The following SLC18A1 variants were observed in gnomAD, a reference collection of about 807,000 sequenced individuals.
SLC18A1 encodes the protein solute carrier family 18 member A1, also known as chromaffin granule amine transporter.
Under a neutral mutation model 53.7 loss-of-function variants are expected in SLC18A1, and 69 were observed. The observed-to-expected ratio is 1.28, with a 90% CI of 1.06 to 1.57. SLC18A1 has a LOEUF of 1.57. SLC18A1 is among the 40% of genes most tolerant of loss of function. The pLI is 0.00. For missense variants in SLC18A1, 932 were observed against 668.1 expected (o/e 1.40, Z -4.35); for synonymous variants, 320 against 248.1 (o/e 1.29, Z -2.72).
At chr8:20,176,815 A>G (rs528632725) in intron 4 of SLC18A1, among the ~76,000 whole-genome samples, 3 of 152,354 alleles carry the variant, frequency 2.0e-5, no homozygotes, top group African/African-American at 4.8e-5. Flanking sequence ...ATTACTTAAC[A>G]TATACAGTTT....
At chr8:20,160,389 T>G (rs1370752881) in intron 10 of SLC18A1, among the ~76,000 whole-genome samples, 1 of 151,422 alleles carries the variant, frequency 6.6e-6, no homozygotes, top group Non-Finnish European at 1.5e-5. Flanking sequence ...AGGACCTGAT[T>G]ATAGCTTACA....
intron 8 of SLC18A1, among the ~76,000 whole-genome samples, chr8:20,170,440 C>T (rs2072083402): frequency 6.6e-6 from 1 of 152,132 alleles, no homozygotes; most frequent in Non-Finnish European, 1.5e-5. Context: ...TTCCGGAATA[C>T]CTTGACAAGC....
chr8:20,145,954 T>A, intron 15 of SLC18A1, 78 bp from the exon 16 acceptor site: 1 of 788,522 alleles, frequency 1.3e-6, no homozygotes, highest in African/African-American at 1.8e-5. Flanking sequence ...CTCGCTCTGT[T>A]GCCCAGGCTG....
At chr8:20,148,534 T>TA (rs1252000496) in intron 12 of SLC18A1, 3 of 1,191,770 alleles carry the variant, frequency 2.5e-6, no homozygotes, top group African/African-American at 3.1e-5. Context: ...AAAAAGAAGA[T>TA]AGAGAAGAGG....
intron 5 of SLC18A1, among the ~76,000 whole-genome samples, chr8:20,174,015 GC>G (rs1482679886): frequency 6.6e-6 from 1 of 150,816 alleles, no homozygotes; most frequent in Non-Finnish European, 1.5e-5. Flanking sequence ...TCCCACTTTA[GC>G]CTCCCAAGTA....
At chr8:20,180,108 TTGTGTGTG>T (rs112531759) in intron 2 of SLC18A1, among the ~76,000 whole-genome samples, 19 of 146,188 alleles carry the variant, frequency 1.3e-4, no homozygotes, top group South Asian at 6.7e-4. Flanking sequence ...AAGATTATAA[TTGTGTGTG>T]TGTGTGTGTG....
At chr8:20,176,253 A>T (rs1234364563) in intron 4 of SLC18A1, among the ~76,000 whole-genome samples, 1 of 151,102 alleles carries the variant, frequency 6.6e-6, no homozygotes, top group Non-Finnish European at 1.5e-5. Context: ...AAAGGCTGGC[A>T]CCTCCCTCTC....
chr8:20,161,427 T>C (rs945181236), intron 10 of SLC18A1, among the ~76,000 whole-genome samples: 1 of 152,206 alleles, frequency 6.6e-6, no homozygotes, highest in African/African-American at 2.4e-5. Context: ...ACTATTTATA[T>C]AGCATTTCCA....
chr8:20,180,955 T>TGGG lies in SLC18A1; in HGVS notation c.9_10insCCC (p.Arg3_Thr4insPro). The TGGG allele has an allele frequency of 1.3e-6, 2 of 1,575,680 alleles. No individual in the cohort carries two copies. Among genetic ancestry groups the TGGG allele is most frequent in the Non-Finnish European group, 1.7e-6 (2 of 1,161,728 alleles). ...AACCGCTGGGGAGCATCCAGAATGG[T>TGGG]CCGGAGCATGGTGATGGCCGGACTG... is the stretch of plus-strand genomic sequence containing the variant. On this transcript the variant is annotated inframe_insertion, in exon 2 of 16. Transcript: ENST00000276373.
chr8:20,149,039 C>T (rs1027020887), intron 12 of SLC18A1, among the ~76,000 whole-genome samples: 8 of 152,154 alleles, frequency 5.3e-5, no homozygotes, highest in African/African-American at 1.7e-4. Flanking sequence ...TGCTCAGGAC[C>T]TCCAGCTGGT....
In SLC18A1 at chr8:20,171,593, C is replaced by T; in HGVS notation, c.725-99G>A. The stretch of plus-strand genomic sequence containing the variant: ...CCCGTGAGCATTTGCAGAAGGCCTG[C>T]TAGGGGCTAAGCTCCACCTGAGGCT... On this transcript the variant is annotated intron_variant, in intron 6 of 15. Coordinates refer to ENST00000276373, the MANE Select transcript of SLC18A1 (RefSeq NM_003053.4). 3 of 913,806 alleles carry T rather than the reference C, an allele frequency of 3.3e-6. 1 individual carries two copies. Among genetic ancestry groups the T allele is most frequent in the Non-Finnish European group, 1.8e-6 (1 of 559,928 alleles). The allele number at this position is 913,806 out of a possible 1,614,324, so 56.6% of individuals were successfully genotyped here.
chr8:20,179,570 A>G, intron 2 of SLC18A1, 86 bp from the exon 3 acceptor site: 1 of 1,482,416 alleles, frequency 6.7e-7, no homozygotes, highest in Admixed American at 2.0e-5. Context: ...ACAGATGTCA[A>G]TTCTACTGAA....
intron 10 of SLC18A1, among the ~76,000 whole-genome samples, chr8:20,151,309 C>A (rs2071549513): frequency 6.6e-6 from 1 of 151,986 alleles, no homozygotes; most frequent in Admixed American, 6.6e-5. Flanking sequence ...ATTTAATGTG[C>A]TTCCAGCTCC....
intron 8 of SLC18A1, among the ~76,000 whole-genome samples, chr8:20,165,408 G>A (rs1036190000): frequency 6.6e-6 from 1 of 152,096 alleles, no homozygotes; most frequent in Non-Finnish European, 1.5e-5. Context: ...AGAGTGGATT[G>A]GTAGCAAGGT....
In SLC18A1 at chr8:20,179,367, A is replaced by C; in HGVS notation, c.242T>G (p.Ile81Ser). Residue 81 changes from isoleucine (I) to serine (S), a missense_variant, in exon 3 of 16, where the codon ATC (isoleucine) becomes AGC (serine). By Grantham distance (142) the Ile-to-Ser change is moderately radical. Transcript: ENST00000276373. ...HALASPAFST[I>S]FSFFNNNTVA... ...GGTGTTGTTGTTGAAGAAGGAGAAG[A>C]TGGTGGAAAAGGCAGGAGAGGCGAG... is the stretch of plus-strand genomic sequence containing the variant. 6.2e-7 allele frequency: 1 copy of C among 1,614,188 alleles called. No individual in the cohort carries two copies. The highest frequency in any genetic ancestry group is 8.5e-7 in the Non-Finnish European group (1 of 1,180,036).
At chr8:20,150,045 T>C (rs959695380) in intron 11 of SLC18A1, among the ~76,000 whole-genome samples, 1 of 152,206 alleles carries the variant, frequency 6.6e-6, no homozygotes, top group Admixed American at 6.5e-5. Context: ...ACTTAACTCA[T>C]GCTGTTGCCC....
intron 8 of SLC18A1, among the ~76,000 whole-genome samples, chr8:20,165,996 C>A (rs943618508): frequency 6.6e-6 from 1 of 151,904 alleles, no homozygotes; most frequent in Non-Finnish European, 1.5e-5. Context: ...ATTTAGAGAT[C>A]CTAAAACTAA....
chr8:20,167,063 T>G (rs532019345), intron 8 of SLC18A1, among the ~76,000 whole-genome samples: 1 of 152,132 alleles, frequency 6.6e-6, no homozygotes, highest in Non-Finnish European at 1.5e-5. Flanking sequence ...ATCTGTAGTA[T>G]TTTGTTCTGG....
At chr8:20,158,625 G>C (rs2071740345) in intron 10 of SLC18A1, among the ~76,000 whole-genome samples, 1 of 152,116 alleles carries the variant, frequency 6.6e-6, no homozygotes, top group African/African-American at 2.4e-5. Flanking sequence ...AAAAGCCCAA[G>C]GCCTTGTAAA....
Sources: allele counts gnomAD v4.1 joint callset (sites outside exome capture counted in the v4.1 genomes callset), GRCh38; gene constraint gnomAD v4.1.1; transcripts MANE v1.5; gene names NCBI Gene and HGNC (gene_info 2026-07-23, HGNC 2026-07-21).